DTNA: variants seen among roughly 807,000 people sequenced by gnomAD.
The protein encoded by DTNA is dystrophin-related protein 3.
A neutral mutation model predicts 100.7 loss-of-function variants in DTNA; 43 were observed. The ratio of observed to expected loss-of-function variants is 0.43; its 90% CI spans 0.33 to 0.55. The LOEUF (loss-of-function observed/expected upper bound fraction) is 0.55. DTNA is among the 20% of genes least tolerant of loss of function. The pLI, the probability that DTNA is intolerant of heterozygous loss-of-function variation, is 0.04. For synonymous variants in DTNA, 349 were observed against 347.9 expected (o/e 1.00, Z -0.04); for missense variants, 798 against 953.9 (o/e 0.84, Z 2.15).
At chr18:34,847,045 A>C (rs1236712210) in intron 13 of DTNA, among the ~76,000 whole-genome samples, 1 of 152,224 alleles carries the variant, frequency 6.6e-6, no homozygotes, top group Non-Finnish European at 1.5e-5. Flanking sequence ...GAACTGATAC[A>C]TACCACAATA....
chr18:34,538,622 T>A (rs995886317), intron 1 of DTNA, among the ~76,000 whole-genome samples: 2 of 151,976 alleles, frequency 1.3e-5, no homozygotes, highest in Non-Finnish European at 2.9e-5. Context: ...AATAAAAAAA[T>A]CTTGTATAAA....
chr18:34,703,022 G>A lies in DTNA; in HGVS notation c.-1-52954G>A, dbSNP rs528798099. ...TAATTGGTCTGCAGTGTGTACTGAG[G>A]ATGTCATAAAGTCTGAAACAGATAA... On this transcript the variant is annotated intron_variant, in intron 1 of 19. Coordinates refer to the DTNA transcript ENST00000283365. Among the ~76,000 whole-genome samples, 422 of 152,256 alleles carry A rather than the reference G, an allele frequency of 2.8e-3. 1 individual carries two copies. Among genetic ancestry groups the A allele is most frequent in the South Asian group, 4.4e-3 (21 of 4,820 alleles).
chr18:34,638,769 T>C (rs1305355527), intron 1 of DTNA, among the ~76,000 whole-genome samples: 3 of 152,206 alleles, frequency 2.0e-5, no homozygotes, highest in African/African-American at 7.2e-5. Flanking sequence ...TTCGAGTAAT[T>C]ATCCTAGCAT....
At chr18:34,547,942 G>A (rs2044980696) in intron 1 of DTNA, among the ~76,000 whole-genome samples, 1 of 152,182 alleles carries the variant, frequency 6.6e-6, no homozygotes, top group Middle Eastern at 3.4e-3. Flanking sequence ...ATCTTTCTTG[G>A]ATGCTTTTGA....
chr18:34,887,648 TGTGTGTGTGCGCGC>T (rs2096934543), intron 22 of DTNA, 104 bp from the exon 23 acceptor site: 1 of 687,278 alleles, frequency 1.5e-6, no homozygotes, highest in Admixed American at 6.3e-5. Context: ...TGCATGTGTG[TGTGTGTGTGCGCGC>T]GCACTTTCTT....
intron 1 of DTNA, among the ~76,000 whole-genome samples, chr18:34,605,931 G>T (rs1168203828): frequency 1.3e-5 from 2 of 151,996 alleles, no homozygotes; most frequent in African/African-American, 4.8e-5. Flanking sequence ...GGTGATTTGG[G>T]CTGCTATTGT....
chr18:34,782,280 T>C (rs1402074479), intron 3 of DTNA, among the ~76,000 whole-genome samples: 1 of 152,198 alleles, frequency 6.6e-6, no homozygotes, highest in Non-Finnish European at 1.5e-5. Flanking sequence ...TTCTGTGGTT[T>C]TTAAGTTTAC....
chr18:34,689,896 G>C (rs1436950959), intron 1 of DTNA, among the ~76,000 whole-genome samples: 1 of 152,186 alleles, frequency 6.6e-6, no homozygotes, highest in African/African-American at 2.4e-5. Context: ...TTGAGGTGTT[G>C]TGGTGGGCCC....
chr18:34,851,894 A>T lies in DTNA; in HGVS notation c.1498A>T (p.Arg500Trp), dbSNP rs759939966. ...CACCATCGATGCGAATAAGCAGCAA[A>T]GGCAGCTGATTGCTGAGCTAGAAAA... Reference protein sequence around the residue: ...SFTIDANKQQRQLIAELENKN... With the variant: ...SFTIDANKQQWQLIAELENKN... Residue 500 changes from arginine to tryptophan, a missense_variant, in exon 15 of 23, where the codon AGG becomes TGG. Arg to Trp is a moderately radical substitution (Grantham distance 101). Transcript: ENST00000444659. 3 of 1,614,038 alleles carry T rather than the reference A, an allele frequency of 1.9e-6. No individual in the cohort carries two copies. In the Admixed American group the frequency reaches 5.0e-5, roughly 27 times the overall value.
intron 1 of DTNA, among the ~76,000 whole-genome samples, chr18:34,497,033 G>T (rs2039319930): frequency 6.6e-6 from 1 of 152,096 alleles, no homozygotes; most frequent in South Asian, 2.1e-4. Flanking sequence ...CATGGAACAT[G>T]TGCTACCTTT....
At chr18:34,871,137 G>A (rs1419886890) in intron 17 of DTNA, among the ~76,000 whole-genome samples, 1 of 152,196 alleles carries the variant, frequency 6.6e-6, no homozygotes, top group Non-Finnish European at 1.5e-5. Context: ...GGTCTAGCGG[G>A]GAGGGGGATA....
intron 13 of DTNA, among the ~76,000 whole-genome samples, chr18:34,839,109 A>T (rs1202745541): frequency 1.3e-5 from 2 of 152,058 alleles, no homozygotes; most frequent in African/African-American, 4.8e-5. Context: ...TAGATTCAGG[A>T]CTCCGGGTCC....
intron 1 of DTNA, among the ~76,000 whole-genome samples, chr18:34,502,280 G>A (rs1038186070): frequency 6.6e-6 from 1 of 151,902 alleles, no homozygotes. Flanking sequence ...TTTTGCTAGA[G>A]GATTTCAATT....
At chr18:34,567,923 C>T (rs1481706668) in intron 1 of DTNA, among the ~76,000 whole-genome samples, 1 of 151,928 alleles carries the variant, frequency 6.6e-6, no homozygotes, top group Non-Finnish European at 1.5e-5. Context: ...TGTTATTCTG[C>T]CGGGTTTTTA....
chr18:34,806,692 C>T (rs973835779), intron 5 of DTNA, among the ~76,000 whole-genome samples: 12 of 152,146 alleles, frequency 7.9e-5, no homozygotes, highest in African/African-American at 2.7e-4. Context: ...GGCACATTTC[C>T]TCATTCTTCT....
intron 3 of DTNA, among the ~76,000 whole-genome samples, chr18:34,776,137 C>T (rs2094034665): frequency 6.6e-6 from 1 of 152,160 alleles, no homozygotes; most frequent in Non-Finnish European, 1.5e-5. Flanking sequence ...AAGTTCAGCG[C>T]TATTTACCGA....
intron 3 of DTNA, among the ~76,000 whole-genome samples, chr18:34,792,025 G>T (rs938609194): frequency 2.6e-5 from 4 of 151,702 alleles, no homozygotes; most frequent in African/African-American, 9.7e-5. Context: ...ACATTATTTT[G>T]AGTAATTGTT....
chr18:34,758,950 T>G (rs970994808), intron 2 of DTNA, among the ~76,000 whole-genome samples: 1 of 152,142 alleles, frequency 6.6e-6, no homozygotes, highest in African/African-American at 2.4e-5. Flanking sequence ...CTCATTACTA[T>G]AAGCAGCAGA....
rs2096852135 is a variant in DTNA, at chr18:34,879,540, G to T, written c.1994-11G>T. 1.2e-6 allele frequency: 2 copies of T among 1,613,860 alleles called. No homozygotes were observed. Among genetic ancestry groups the T allele is most frequent in the Non-Finnish European group, 1.7e-6 (2 of 1,179,886 alleles). ...CGAGTCATTCTTTATTTCTTCAATT[G>T]TATCTGCTAGAGGTTGGGAGTGAAA... On this transcript the variant is annotated splice_polypyrimidine_tract_variant and intron_variant, in intron 19 of 22. Transcript: ENST00000444659.
Sources: gnomAD v4.1 joint callset for allele counts (sites outside exome capture counted in the v4.1 genomes callset) on GRCh38, gnomAD v4.1.1 for gene constraint, MANE v1.5 for transcripts, NCBI Gene and HGNC (gene_info 2026-07-23, HGNC 2026-07-21) for gene names.